SLC35F1: variants seen among roughly 807,000 people sequenced by gnomAD.
SLC35F1 encodes chromosome 6 open reading frame 169.
Under a neutral mutation model 48.7 loss-of-function variants are expected in SLC35F1, and 14 were observed. The ratio of observed to expected loss-of-function variants is 0.29; its 90% CI spans 0.19 to 0.45. SLC35F1 has a LOEUF of 0.45. SLC35F1 is among the 20% of genes least tolerant of loss of function. The pLI, the probability that SLC35F1 is intolerant of heterozygous loss-of-function variation, is 1.00. For missense variants in SLC35F1, 404 were observed against 500.0 expected (o/e 0.81, Z 1.83); for synonymous variants, 190 against 202.2 (o/e 0.94, Z 0.51).
At chr6:118,229,537 A>G (rs1161287975) in intron 2 of SLC35F1, among the ~76,000 whole-genome samples, 2 of 152,218 alleles carry the variant, frequency 1.3e-5, no homozygotes, top group African/African-American at 4.8e-5. Flanking sequence ...CATGAGGATA[A>G]TGTCATAATT....
chr6:117,932,049 T>A (rs1316973534), intron 1 of SLC35F1, among the ~76,000 whole-genome samples: 1 of 152,140 alleles, frequency 6.6e-6, no homozygotes, highest in Non-Finnish European at 1.5e-5. Flanking sequence ...TTGATGCCTT[T>A]ATAAAAGAGG....
At chr6:118,052,933 T>C (rs1186163473) in intron 1 of SLC35F1, among the ~76,000 whole-genome samples, 2 of 152,186 alleles carry the variant, frequency 1.3e-5, no homozygotes, top group Non-Finnish European at 2.9e-5. Flanking sequence ...CTGTCTGTTA[T>C]GTTCAAAGAG....
chr6:117,954,032 G>A (rs1207355430), intron 1 of SLC35F1, among the ~76,000 whole-genome samples: 1 of 152,128 alleles, frequency 6.6e-6, no homozygotes, highest in Non-Finnish European at 1.5e-5. Context: ...ATAGTCTTAG[G>A]TTGTATAAGC....
chr6:118,252,610 G>A (rs1775588866), intron 3 of SLC35F1, among the ~76,000 whole-genome samples: 1 of 152,120 alleles, frequency 6.6e-6, no homozygotes, highest in African/African-American at 2.4e-5. Context: ...CAACAGAGAG[G>A]CTGAAACTGG....
intron 2 of SLC35F1, among the ~76,000 whole-genome samples, chr6:118,157,653 G>GAAGTCC (rs765317489): frequency 8.5e-5 from 13 of 152,180 alleles, no homozygotes; most frequent in Non-Finnish European, 1.9e-4. Context: ...TGAAGAACTT[G>GAAGTCC]AAGTCCGATG....
intron 1 of SLC35F1, among the ~76,000 whole-genome samples, chr6:118,058,985 C>A (rs535368733): frequency 2.0e-5 from 3 of 152,004 alleles, no homozygotes; most frequent in Admixed American, 2.0e-4. Context: ...CTAACCTCAG[C>A]GAGATGATTT....
chr6:118,212,115 C>A (rs1265292586), intron 2 of SLC35F1, among the ~76,000 whole-genome samples: 1 of 152,116 alleles, frequency 6.6e-6, no homozygotes, highest in African/African-American at 2.4e-5. Context: ...TGACCAAGAG[C>A]TGGGCATGTC....
intron 1 of SLC35F1, among the ~76,000 whole-genome samples, chr6:117,944,179 A>G (rs1275195497): frequency 3.3e-5 from 5 of 152,228 alleles, no homozygotes. Flanking sequence ...TAAAACTTGA[A>G]CAATTATGGA....
intron 1 of SLC35F1, among the ~76,000 whole-genome samples, chr6:117,914,078 A>G (rs1775796310): frequency 6.8e-6 from 1 of 147,594 alleles, no homozygotes; most frequent in East Asian, 2.0e-4. Flanking sequence ...AACAAAAACA[A>G]AAGAATCCTA....
intron 1 of SLC35F1, among the ~76,000 whole-genome samples, chr6:117,960,165 G>A (rs1460012172): frequency 6.6e-6 from 1 of 151,924 alleles, no homozygotes; most frequent in African/African-American, 2.4e-5. Flanking sequence ...ATAGTCTAGA[G>A]GGGTTGACAA....
intron 1 of SLC35F1, among the ~76,000 whole-genome samples, chr6:117,995,744 AAAATAAATAAATG>A (rs1254651580): frequency 6.6e-6 from 1 of 152,196 alleles, no homozygotes; most frequent in Non-Finnish European, 1.5e-5. Context: ...CTGTCTCGAA[AAAATAAATAAATG>A]AAATAAATAA....
intron 2 of SLC35F1, among the ~76,000 whole-genome samples, chr6:118,157,586 G>T (rs997844049): frequency 6.6e-6 from 1 of 152,190 alleles, no homozygotes; most frequent in Non-Finnish European, 1.5e-5. Context: ...TCAGTCTGTG[G>T]CCGAAGTCCC....
chr6:118,162,615 T>C (rs1357097020), intron 2 of SLC35F1, among the ~76,000 whole-genome samples: 2 of 152,186 alleles, frequency 1.3e-5, no homozygotes, highest in Non-Finnish European at 2.9e-5. Context: ...GAATAAGTTA[T>C]CACTGGGCCT....
In SLC35F1 at chr6:117,945,402, T is replaced by C. The variant is rs377697084; in HGVS notation, c.173+37503T>C. Among the ~76,000 whole-genome samples the C allele has an allele frequency of 3.7e-4, 56 of 152,358 alleles. No individual in the cohort carries two copies. In the Middle Eastern group the frequency reaches 0.014, roughly 37 times the overall value. ...TTCAGTACTTGCTACATGCATTGTA[T>C]GGCTTAATCCCCATCCTGCAAGGTG... On this transcript the variant is annotated intron_variant, in intron 1 of 7. Transcript: ENST00000360388.
intron 2 of SLC35F1, among the ~76,000 whole-genome samples, chr6:118,157,347 G>A (rs114494800): frequency 2.6e-5 from 4 of 152,250 alleles, no homozygotes; most frequent in Non-Finnish European, 5.9e-5. Context: ...AGCCCTCAGT[G>A]TAAGATGTAG....
intron 1 of SLC35F1, among the ~76,000 whole-genome samples, chr6:118,037,138 G>A (rs1330911473): frequency 6.6e-6 from 1 of 151,990 alleles, no homozygotes; most frequent in East Asian, 1.9e-4. Flanking sequence ...GTAAAATTAA[G>A]TTTTGTATCT....
rs141959210 is a variant in SLC35F1 at position 118,101,747 on chromosome 6, G to A, written c.174-52698G>A. Among the ~76,000 whole-genome samples, 221 of 152,300 alleles carry A rather than the reference G, an allele frequency of 1.5e-3. 1 individual carries two copies. The highest frequency in any genetic ancestry group is 5.1e-3 in the African/African-American group (211 of 41,560). On this transcript the variant is annotated intron_variant, in intron 1 of 7. Transcript: ENST00000360388. Reference sequence around the variant, plus strand: ...ATAAATAAAGGGGTGGGCTCGAAGGGAAGCATGCTATGCATGGATGGAGCT... The same window carrying A: ...ATAAATAAAGGGGTGGGCTCGAAGGAAAGCATGCTATGCATGGATGGAGCT...
intron 1 of SLC35F1, among the ~76,000 whole-genome samples, chr6:118,083,115 T>C (rs751894941): frequency 1.3e-5 from 2 of 152,192 alleles, no homozygotes; most frequent in Non-Finnish European, 2.9e-5. Context: ...AACTTTGTAA[T>C]CTGTGGGGAG....
At chr6:117,940,698 T>C (rs2114819480) in intron 1 of SLC35F1, among the ~76,000 whole-genome samples, 1 of 152,086 alleles carries the variant, frequency 6.6e-6, no homozygotes, top group Non-Finnish European at 1.5e-5. Flanking sequence ...ACCCAGGCTG[T>C]AGTACAGTGG....
Sources: gnomAD v4.1 joint callset for allele counts (sites outside exome capture counted in the v4.1 genomes callset) on GRCh38, gnomAD v4.1.1 for gene constraint, MANE v1.5 for transcripts, NCBI Gene and HGNC (gene_info 2026-07-23, HGNC 2026-07-21) for gene names.